The following CA5A variants were observed in gnomAD, a reference collection of about 807,000 sequenced individuals.
CA5A encodes the protein carbonic anhydrase 5A, mitochondrial.
In CA5A, 28 loss-of-function variants were observed where a neutral mutation model predicts 37.1. The ratio of observed to expected loss-of-function variants is 0.75; its 90% CI spans 0.56 to 1.03. CA5A has a LOEUF of 1.03. Among genes scored for constraint, CA5A ranks in the 50% least tolerant of loss-of-function variants. The pLI is 0.00. For synonymous variants in CA5A, 171 were observed against 158.4 expected (o/e 1.08, Z -0.60); for missense variants, 444 against 399.9 (o/e 1.11, Z -0.94).
At chr16:87,918,833 G>A (rs1745129609) in intron 2 of CA5A, among the ~76,000 whole-genome samples, 1 of 152,152 alleles carries the variant, frequency 6.6e-6, no homozygotes, top group Non-Finnish European at 1.5e-5. Context: ...TCCCAATCCA[G>A]GTGAACAAAG....
Position 87,924,856 on chromosome 16 carries a change from G to C in CA5A, c.340+1892C>G, listed in dbSNP as rs143531781. Among the ~76,000 whole-genome samples the C allele has an allele frequency of 2.6e-3, 393 of 152,358 alleles. 3 individuals carry two copies. Among genetic ancestry groups the C allele is most frequent in the Non-Finnish European group, 3.9e-3 (267 of 68,038 alleles). The stretch of plus-strand genomic sequence containing the variant: ...GTCCGGGCATGCTGGCAGCCATGTG[G>C]GAGTTTCTGGGCAGATGTGGTGCTG... On this transcript the variant is annotated intron_variant, in intron 2 of 6. Transcript: ENST00000649794.
intron 5 of CA5A, among the ~76,000 whole-genome samples, chr16:87,900,775 G>T (rs1202637179): frequency 6.6e-6 from 1 of 152,258 alleles, no homozygotes; most frequent in East Asian, 1.9e-4. Flanking sequence ...GACGTTCAAG[G>T]AGAGTGCTGG....
At chr16:87,935,734 G>C (rs2056461914) in intron 1 of CA5A, among the ~76,000 whole-genome samples, 1 of 152,034 alleles carries the variant, frequency 6.6e-6, no homozygotes, top group South Asian at 2.1e-4. Flanking sequence ...AAATTAGCTG[G>C]GTGCAGTGGC....
chr16:87,897,715 G>T (rs922003872), intron 5 of CA5A, among the ~76,000 whole-genome samples: 1 of 152,210 alleles, frequency 6.6e-6, no homozygotes, highest in African/African-American at 2.4e-5. Flanking sequence ...CCACTTCCTG[G>T]GTTTAAAAAC....
chr16:87,915,291 G>C (rs1194941606), intron 2 of CA5A, among the ~76,000 whole-genome samples: 1 of 152,028 alleles, frequency 6.6e-6, no homozygotes, highest in East Asian at 1.9e-4. Context: ...TTTCCTCCAA[G>C]GCCCAAACTG....
At chr16:87,927,236 G>C (rs766296378) in intron 1 of CA5A, among the ~76,000 whole-genome samples, 1 of 152,198 alleles carries the variant, frequency 6.6e-6, no homozygotes, top group East Asian at 1.9e-4. Flanking sequence ...TGTTGCCCTC[G>C]TCACAGAGTA....
chr16:87,929,160 G>A (rs1450999878), intron 1 of CA5A, among the ~76,000 whole-genome samples: 1 of 149,136 alleles, frequency 6.7e-6, no homozygotes, highest in Non-Finnish European at 1.5e-5. Context: ...GGATAAAGAT[G>A]TATAGCCCTG....
chr16:87,924,405 GCA>G, intron 2 of CA5A: 4 of 765,206 alleles, frequency 5.2e-6, no homozygotes, highest in Non-Finnish European at 6.4e-6. Context: ...GTAGGGCCTG[GCA>G]CAGAGAAGAA....
intron 2 of CA5A, among the ~76,000 whole-genome samples, chr16:87,919,370 C>T (rs529136687): frequency 3.3e-5 from 5 of 152,344 alleles, no homozygotes; most frequent in South Asian, 2.1e-4. Flanking sequence ...GGGTCACCCT[C>T]GGGCTGGCCA....
chr16:87,916,466 G>C (rs2056144939), intron 2 of CA5A, among the ~76,000 whole-genome samples: 1 of 152,058 alleles, frequency 6.6e-6, no homozygotes, highest in Non-Finnish European at 1.5e-5. Flanking sequence ...CTGGGACTTG[G>C]GTCCAGTGGG....
At chr16:87,916,481 T>C (rs747426156) in intron 2 of CA5A, among the ~76,000 whole-genome samples, 2 of 152,192 alleles carry the variant, frequency 1.3e-5, no homozygotes, top group Non-Finnish European at 2.9e-5. Flanking sequence ...AGTGGGGTCT[T>C]TTCTGACCAT....
At chr16:87,882,047 C>G (rs1276839329) in intron 4 of CA5A, 1 of 152,208 alleles carries the variant, frequency 6.6e-6, no homozygotes, top group Non-Finnish European at 1.5e-5. Flanking sequence ...CAGGGCCCCT[C>G]TGGCCGCTTG....
chr16:87,909,243 A>G (rs2056011990), intron 2 of CA5A, among the ~76,000 whole-genome samples: 1 of 152,102 alleles, frequency 6.6e-6, no homozygotes, highest in African/African-American at 2.4e-5. Flanking sequence ...GAGGGGAACC[A>G]TGGGGCCCTC....
At chr16:87,930,414 C>A (rs1486610903) in intron 1 of CA5A, among the ~76,000 whole-genome samples, 1 of 152,104 alleles carries the variant, frequency 6.6e-6, no homozygotes, top group East Asian at 1.9e-4. Flanking sequence ...GTCCAGGTCT[C>A]CAGAGTGTTC....
In CA5A at chr16:87,926,662, C is replaced by T. The variant is rs2056315557; in HGVS notation, c.340+86G>A. 3.8e-6 allele frequency: 4 copies of T among 1,061,282 alleles called. No individual in the cohort carries two copies. The Admixed American group carries it at 7.6e-5, about 20-fold the overall frequency. 65.7% of individuals were successfully genotyped at this position (1,061,282 alleles called of 1,614,324 possible). On this transcript the variant is annotated intron_variant, in intron 2 of 6. Coordinates refer to ENST00000649794, the MANE Select transcript of CA5A (RefSeq NM_001739.2). ...ACAAGGAAAGCAGCACCTTCCTGCT[C>T]TCCTCCCCCTTCTCCGCGAAGCTCT...
chr16:87,903,682 G>C (rs1304914234), intron 3 of CA5A, among the ~76,000 whole-genome samples: 3 of 152,054 alleles, frequency 2.0e-5, no homozygotes, highest in Non-Finnish European at 4.4e-5. Context: ...TTTTTGGTTT[G>C]GGTGGACTCT....
chr16:87,914,025 C>T (rs1423647310), intron 2 of CA5A, among the ~76,000 whole-genome samples: 1 of 152,242 alleles, frequency 6.6e-6, no homozygotes, highest in African/African-American at 2.4e-5. Flanking sequence ...GACCTTTTCC[C>T]GGACTTCCTA....
At chr16:87,895,800 C>T (rs1013741373) in intron 5 of CA5A, among the ~76,000 whole-genome samples, 7 of 152,096 alleles carry the variant, frequency 4.6e-5, no homozygotes, top group African/African-American at 1.4e-4. Flanking sequence ...CTCAGCACGG[C>T]GCTTTTGAGG....
At chr16:87,923,519 T>C (rs1289861976) in intron 2 of CA5A, 1 of 983,938 alleles carries the variant, frequency 1.0e-6, no homozygotes, top group Non-Finnish European at 1.2e-6. Flanking sequence ...TCTGTCCACA[T>C]ACCTTCCTCC....
Sources: allele counts gnomAD v4.1 joint callset (sites outside exome capture counted in the v4.1 genomes callset), GRCh38; gene constraint gnomAD v4.1.1; transcripts MANE v1.5; gene names NCBI Gene and HGNC (gene_info 2026-07-23, HGNC 2026-07-21).